CMYA5: variants seen among roughly 807,000 people sequenced by gnomAD.
CMYA5 encodes cardiomyopathy-associated protein 5.
Under a neutral mutation model 318.9 loss-of-function variants are expected in CMYA5, and 246 were observed. The observed-to-expected ratio is 0.77, with a 90% CI of 0.70 to 0.86. CMYA5 has a LOEUF of 0.86. Among genes scored for constraint, CMYA5 ranks in the 40% least tolerant of loss-of-function variants. The probability of loss-of-function intolerance (pLI) is 0.00; values close to 1 mark genes in which losing one functional copy is unlikely to be tolerated. For missense variants in CMYA5, 4,589 were observed against 4,678.2 expected (o/e 0.98, Z 0.56); for synonymous variants, 1,641 against 1,729.5 (o/e 0.95, Z 1.27).
chr5:79,756,616 TCTC>T (rs755426808), intron 6 of CMYA5, among the ~76,000 whole-genome samples: 47 of 152,312 alleles, frequency 3.1e-4, no homozygotes, highest in Non-Finnish European at 5.4e-4. Flanking sequence ...ACTTGACCCT[TCTC>T]CTCTTCTGCT....
chr5:79,799,450 A>G lies in CMYA5; in HGVS notation c.12044A>G (p.Tyr4015Cys), dbSNP rs1314804022. 27 of 1,613,898 alleles carry G rather than the reference A, an allele frequency of 1.7e-5. No homozygotes were observed. The highest frequency in any genetic ancestry group is 2.3e-5 in the Non-Finnish European group (27 of 1,179,896). Residue 4015 changes from tyrosine to cysteine, a missense_variant, in exon 13 of 13, where the codon TAC becomes TGC. By Grantham distance (194) the Tyr-to-Cys change is radical. This residue lies in a region of CMYA5 where 2,431 missense variants were observed against 2,495.1 expected (regional missense o/e 0.97). Transcript: ENST00000446378. ...GCCAGAGTGGGCATCCTGCTGGACT[A>G]CAACAACCAGAGACTTATCTTCATC... ...RPARVGILLD[Y>C]NNQRLIFINA...
Position 79,731,989 on chromosome 5 carries a change from T to C in CMYA5, c.3224T>C (p.Leu1075Pro), listed in dbSNP as rs769653322. Residue 1075 changes from leucine (L) to proline (P), a missense_variant, in exon 2 of 13, where the codon CTT (leucine) becomes CCT (proline). Leu to Pro is a moderately conservative substitution (Grantham distance 98, BLOSUM62 -3). This residue lies in a region of CMYA5 where 2,132 missense variants were observed against 2,131.3 expected (regional missense o/e 1.00). Coordinates refer to ENST00000446378, the MANE Select transcript of CMYA5 (RefSeq NM_153610.5). ...GAAACTTTCCCTTTGATGTCTCCGCTTGAAGACTTAAGTCTGCCGCCTTCA... is the reference window on the plus strand; with the variant it reads ...GAAACTTTCCCTTTGATGTCTCCGCCTGAAGACTTAAGTCTGCCGCCTTCA... ...KAETFPLMSP[L>P]EDLSLPPSTD... The C allele has an allele frequency of 4.3e-6, 7 of 1,613,890 alleles. No individual in the cohort carries two copies. The highest frequency in any genetic ancestry group is 4.2e-6 in the Non-Finnish European group (5 of 1,179,854).
chr5:79,733,860 G>A lies in CMYA5; in HGVS notation c.5095G>A (p.Glu1699Lys). 1.2e-6 allele frequency: 2 copies of A among 1,613,612 alleles called. No homozygotes were observed. Among genetic ancestry groups the A allele is most frequent in the Non-Finnish European group, 1.7e-6 (2 of 1,179,832 alleles). ...ATCTTCTACGATGCCTGCAATTTCAGAGCTTTCATCATTGCTTAGGGAGGA... is the reference window on the plus strand; with the variant it reads ...ATCTTCTACGATGCCTGCAATTTCAAAGCTTTCATCATTGCTTAGGGAGGA... ...CASSTMPAIS[E>K]LSSLLREESQ... Residue 1699 changes from glutamate (E) to lysine (K), a missense_variant, in exon 2 of 13, where the codon GAG becomes AAG. By Grantham distance (56) the Glu-to-Lys change is moderately conservative (BLOSUM62 1). Coordinates refer to ENST00000446378, the MANE Select transcript of CMYA5 (RefSeq NM_153610.5).
In CMYA5 at chr5:79,733,800, A is replaced by G. The variant is rs771151666; in HGVS notation, c.5035A>G (p.Arg1679Gly). Residue 1679 changes from arginine (R) to glycine (G), a missense_variant, in exon 2 of 13, where the codon AGA (arginine) becomes GGA (glycine). Physicochemically the swap from Arg to Gly is moderately radical, Grantham distance 125. Transcript: ENST00000446378. The part of the protein sequence containing the change: ...LEKGPAELRS[R>G]EGKEENRELC... ...AAAAGGCCCAGCTGAGCTTAGGAGC[A>G]GAGAAGGAAAAGAAGAAAATAGAGA... 9 of 1,613,768 alleles carry G rather than the reference A, an allele frequency of 5.6e-6. No individual in the cohort carries two copies. The East Asian group carries it at 2.0e-4, about 36-fold the overall frequency.
chr5:79,796,543 G>A (rs1250974365), intron 12 of CMYA5, among the ~76,000 whole-genome samples: 3 of 152,106 alleles, frequency 2.0e-5, no homozygotes, highest in Non-Finnish European at 4.4e-5. Flanking sequence ...TAAGGCTATA[G>A]GCACGTGGCA....
chr5:79,799,653 A>G lies in CMYA5; in HGVS notation c.*37A>G. 1 of 1,581,896 alleles carries G rather than the reference A, an allele frequency of 6.3e-7. No homozygotes were observed. The highest frequency in any genetic ancestry group is 8.6e-7 in the Non-Finnish European group (1 of 1,160,076). ...CAGAATTTGCAAGAACAGCGATTTG[A>G]ATTTTGGGGGGGTCTGCTGTTCATT... On this transcript the variant is annotated 3_prime_UTR_variant, in exon 13 of 13. Coordinates refer to ENST00000446378, the MANE Select transcript of CMYA5 (RefSeq NM_153610.5).
In CMYA5 at chr5:79,785,643, C is replaced by A. The variant is rs1163097395; in HGVS notation, c.11556-3328C>A. Reference sequence around the variant, plus strand: ...TTATATCTAGCCATCTTACTGAATTCTCTTATTATGTAAGAGTTTTTCAAC... The same window carrying A: ...TTATATCTAGCCATCTTACTGAATTATCTTATTATGTAAGAGTTTTTCAAC... On this transcript the variant is annotated intron_variant, in intron 9 of 12. Coordinates refer to ENST00000446378, the MANE Select transcript of CMYA5 (RefSeq NM_153610.5). Among the ~76,000 whole-genome samples, 7 of 152,120 alleles carry A rather than the reference C, an allele frequency of 4.6e-5. No homozygotes were observed. The East Asian group carries it at 1.4e-3, about 29-fold the overall frequency.
intron 12 of CMYA5, among the ~76,000 whole-genome samples, chr5:79,794,868 G>A (rs1025798870): frequency 3.3e-5 from 5 of 152,066 alleles, no homozygotes; most frequent in South Asian, 2.1e-4. Context: ...TTAAAGTCAC[G>A]TTTCGTCAAG....
Position 79,799,741 on chromosome 5 carries a change from G to A in CMYA5, c.*125G>A. The A allele has an allele frequency of 7.7e-7, 1 of 1,295,972 alleles. No individual in the cohort carries two copies. The highest frequency in any genetic ancestry group is 1.0e-6 in the Non-Finnish European group (1 of 964,906). The allele number at this position is 1,295,972 out of a possible 1,614,324, so 80.3% of individuals were successfully genotyped here. A position where few individuals can be genotyped will look rare whatever the true frequency, so the allele number is the denominator to read the frequency against. On this transcript the variant is annotated 3_prime_UTR_variant, in exon 13 of 13. Coordinates refer to ENST00000446378, the MANE Select transcript of CMYA5 (RefSeq NM_153610.5). ...GCATTTGCACTAATGATGGCTGCAT[G>A]CATAGCAATCAGCATGTGAGCAAAA...
intron 6 of CMYA5, 29 bp downstream of exon 6, chr5:79,752,823 G>A: frequency 1.3e-6 from 2 of 1,494,334 alleles, no homozygotes; most frequent in Non-Finnish European, 1.9e-6. Context: ...TAATTACCTA[G>A]ATGAAATATG....
chr5:79,762,869 T>C, intron 8 of CMYA5, 193 bp from the exon 9 acceptor site: 1 of 595,330 alleles, frequency 1.7e-6, no homozygotes, highest in East Asian at 2.9e-5. Context: ...AACTGGGCAA[T>C]GTGGAAGGCA....
intron 6 of CMYA5, among the ~76,000 whole-genome samples, 168 bp from the exon 7 acceptor site, chr5:79,758,585 T>A (rs1003990973): frequency 6.6e-5 from 10 of 151,354 alleles, no homozygotes; most frequent in African/African-American, 2.2e-4. Context: ...AAATAAAAAA[T>A]AAAAAAATAT....
intron 9 of CMYA5, chr5:79,778,250 T>G (rs966290143): frequency 2.0e-5 from 3 of 152,242 alleles, no homozygotes; most frequent in Non-Finnish European, 4.4e-5. Flanking sequence ...TTCACACATG[T>G]GCAAATATAT....
chr5:79,734,158 A>G lies in CMYA5; in HGVS notation c.5393A>G (p.Asn1798Ser), dbSNP rs1827991940. The G allele has an allele frequency of 6.2e-7, 1 of 1,613,684 alleles. No homozygotes were observed. Among genetic ancestry groups the G allele is most frequent in the Admixed American group, 1.7e-5 (1 of 59,952 alleles). ...CTAAGTGAAGAAACAGGCCACCCAA[A>G]TTCATCCCAGGTACTCCAGAGTATA... ...DKLSEETGHP[N>S]SSQVLQSITE... Residue 1798 changes from asparagine to serine, a missense_variant, in exon 2 of 13, where the codon AAT becomes AGT. By Grantham distance (46) the Asn-to-Ser change is conservative. Transcript: ENST00000446378.
chr5:79,727,368 C>A (rs1334090649), intron 1 of CMYA5, among the ~76,000 whole-genome samples: 1 of 152,200 alleles, frequency 6.6e-6, no homozygotes, highest in Non-Finnish European at 1.5e-5. Flanking sequence ...AAAGTTTCCA[C>A]AGGTGGTTTT....
Position 79,745,258 on chromosome 5 carries a change from C to A in CMYA5, c.10771C>A (p.Gln3591Lys). ...CSKNEKRLEE[Q>K]NEEMMKKVLA... is the part of the protein sequence containing the mutation. ...TAAAAATGAGAAAAGGCTAGAAGAA[C>A]AGAATGAGGAAATGATGAAGAAGGT... The change falls in exon 4 of 13, where the codon CAG becomes AAG. Residue 3591 changes from glutamine (Q) to lysine (K), a missense_variant. Around this residue, in one of 3 missense-constraint regions of CMYA5, gnomAD observed 2,431 missense variants for 2,495.1 expected, o/e 0.97. Coordinates refer to ENST00000446378, the MANE Select transcript of CMYA5 (RefSeq NM_153610.5). 2 of 1,602,114 alleles carry A rather than the reference C, an allele frequency of 1.2e-6. No individual in the cohort carries two copies. The highest frequency in any genetic ancestry group is 1.3e-5 in the African/African-American group (1 of 74,468).
intron 5 of CMYA5, among the ~76,000 whole-genome samples, chr5:79,748,036 A>T (rs1030626789): frequency 6.6e-6 from 1 of 152,244 alleles, no homozygotes; most frequent in Non-Finnish European, 1.5e-5. Flanking sequence ...TTTACCTAAA[A>T]CAAATTCTAT....
intron 12 of CMYA5, 72 bp downstream of exon 12, chr5:79,793,682 G>T: frequency 3.5e-6 from 5 of 1,409,630 alleles, no homozygotes; most frequent in Non-Finnish European, 4.8e-6. Context: ...CTCTCTGAGG[G>T]ACCTGATAAA....
At chr5:79,727,163 G>A (rs1041981944) in intron 1 of CMYA5, among the ~76,000 whole-genome samples, 3 of 151,984 alleles carry the variant, frequency 2.0e-5, no homozygotes, top group Non-Finnish European at 4.4e-5. Context: ...TGATCCACCC[G>A]CCTCGGCCTC....
Sources: gnomAD v4.1 joint callset for allele counts (sites outside exome capture counted in the v4.1 genomes callset) on GRCh38, gnomAD v4.1.1 for gene constraint, gnomAD v4.1.1 regional missense constraint, MANE v1.5 for transcripts, NCBI Gene and HGNC (gene_info 2026-07-23, HGNC 2026-07-21) for gene names.